The following ADGRL3 variants were observed in gnomAD, a reference collection of about 807,000 sequenced individuals.
ADGRL3 encodes the protein adhesion G protein-coupled receptor L3, also known as calcium-independent alpha-latrotoxin receptor 3.
A neutral mutation model predicts 153.5 loss-of-function variants in ADGRL3; 62 were observed. That is an observed-to-expected ratio of 0.40 (90% CI 0.33 to 0.50). The LOEUF (loss-of-function observed/expected upper bound fraction) is 0.50. Ranked by LOEUF, ADGRL3 falls within the 20% of genes least tolerant of loss-of-function variation. The pLI is 0.47. For missense variants in ADGRL3, 1,641 were observed against 1,859.4 expected (o/e 0.88, Z 2.16); for synonymous variants, 710 against 672.5 (o/e 1.06, Z -0.86).
Position 61,223,667 on chromosome 4 carries a change from C to CT in ADGRL3, c.-240+21903dup, listed in dbSNP as rs1746652852. On this transcript the variant is annotated intron_variant, in intron 1 of 26. Coordinates refer to ENST00000683033, the MANE Select transcript of ADGRL3 (RefSeq NM_001387552.1). ...TTTCTCTAATGTTGAGGGTGTGTGTCTGAGTGTTTGTGACTCAGTGATTGT... is the reference window on the plus strand; with the variant it reads ...TTTCTCTAATGTTGAGGGTGTGTGTCTTGAGTGTTTGTGACTCAGTGATTGT... Among the ~76,000 whole-genome samples the CT allele has an allele frequency of 2.0e-5, 3 of 152,170 alleles. No individual in the cohort carries two copies. In the South Asian group the frequency reaches 6.2e-4, roughly 32 times the overall value.
chr4:61,436,396 A>T (rs1412324373), intron 2 of ADGRL3, among the ~76,000 whole-genome samples: 1 of 152,182 alleles, frequency 6.6e-6, no homozygotes, highest in Admixed American at 6.6e-5. Flanking sequence ...TCAGCTGAAA[A>T]CATGCATATG....
At chr4:61,469,542 G>T (rs1460270178) in intron 2 of ADGRL3, among the ~76,000 whole-genome samples, 1 of 151,978 alleles carries the variant, frequency 6.6e-6, no homozygotes. Flanking sequence ...TGTGTTTCCA[G>T]TAGGGGCCTG....
At position 61,898,622 on chromosome 4, in the gene ADGRL3, CT is replaced by C. The variant is rs1346233783; in HGVS notation, c.1887+2802del. 6.6e-3 allele frequency among the ~76,000 whole-genome samples: 932 copies of C among 142,122 alleles called. 7 individuals are homozygous for C. The highest frequency in any genetic ancestry group is 0.017 in the African/African-American group (650 of 39,002). 93.2% of individuals were successfully genotyped at this position (142,122 alleles called of 152,430 possible). A position where few individuals can be genotyped will look rare whatever the true frequency, so the allele number is the denominator to read the frequency against. ...GGAAGGCTAGAAATCTCACCCTAAT[CT>C]TTTTTTTTTTTTTGAGATGAAGTCT... On this transcript the variant is annotated intron_variant, in intron 11 of 26. Transcript: ENST00000683033.
intron 2 of ADGRL3, among the ~76,000 whole-genome samples, chr4:61,474,351 G>A (rs762929718): frequency 1.3e-5 from 2 of 152,042 alleles, no homozygotes; most frequent in Non-Finnish European, 1.5e-5. Flanking sequence ...GTTTTCTGCC[G>A]GAGGGTTTGT....
chr4:62,011,934 C>T (rs1269832296), intron 21 of ADGRL3, among the ~76,000 whole-genome samples: 2 of 151,934 alleles, frequency 1.3e-5, no homozygotes, highest in South Asian at 2.1e-4. Context: ...GCTAGGAATA[C>T]ATTTTTTTTT....
intron 19 of ADGRL3, among the ~76,000 whole-genome samples, chr4:61,988,082 GT>G (rs1351741653): frequency 3.9e-5 from 6 of 152,076 alleles, no homozygotes; most frequent in Admixed American, 3.3e-4. Flanking sequence ...GGATTTTGAT[GT>G]TTTTCTATGA....
chr4:62,071,580 A>C lies in ADGRL3; in HGVS notation c.*672A>C, dbSNP rs972889119. ...TTCTATGTAATGTACAGATACTAGC[A>C]TTGCACATATAGTCTGCTTTCTGTT... On this transcript the variant is annotated 3_prime_UTR_variant, in exon 27 of 27. Coordinates refer to ENST00000683033, the MANE Select transcript of ADGRL3 (RefSeq NM_001387552.1). The C allele has an allele frequency of 1.7e-5, 5 of 295,112 alleles. No homozygotes were observed. The highest frequency in any genetic ancestry group is 9.0e-5 in the African/African-American group (4 of 44,342). The allele number at this position is 295,112 out of a possible 1,614,324, so 18.3% of individuals were successfully genotyped here.
intron 3 of ADGRL3, 74 bp from the exon 4 acceptor site, chr4:61,517,241 G>T: frequency 1.5e-6 from 1 of 679,332 alleles, no homozygotes; most frequent in South Asian, 1.6e-5. Context: ...CTTGGGAATA[G>T]CCTCTACCAG....
intron 5 of ADGRL3, among the ~76,000 whole-genome samples, chr4:61,636,013 G>A (rs1201463907): frequency 6.6e-6 from 1 of 152,082 alleles, no homozygotes; most frequent in African/African-American, 2.4e-5. Context: ...TCTACAAACA[G>A]AGACATGTTC....
chr4:61,853,956 T>C (rs1368982786), intron 9 of ADGRL3, among the ~76,000 whole-genome samples: 1 of 152,216 alleles, frequency 6.6e-6, no homozygotes, highest in Non-Finnish European at 1.5e-5. Context: ...CAAGCATATC[T>C]ATCTTTTCTG....
chr4:61,680,185 G>A (rs2095303470), intron 6 of ADGRL3, among the ~76,000 whole-genome samples: 1 of 151,930 alleles, frequency 6.6e-6, no homozygotes, highest in Admixed American at 6.6e-5. Context: ...TCATTAATGT[G>A]AGGGAAATTT....
At chr4:61,674,522 A>G (rs1218446070) in intron 5 of ADGRL3, among the ~76,000 whole-genome samples, 1 of 151,824 alleles carries the variant, frequency 6.6e-6, no homozygotes, top group Non-Finnish European at 1.5e-5. Context: ...AGATAGGAAG[A>G]AAAGGAGATA....
intron 8 of ADGRL3, among the ~76,000 whole-genome samples, chr4:61,801,299 A>G (rs773167955): frequency 5.3e-5 from 8 of 152,086 alleles, no homozygotes; most frequent in Admixed American, 1.3e-4. Flanking sequence ...TATTAATACA[A>G]TTTCTAGGAA....
chr4:61,527,587 A>G (rs2098575920), intron 4 of ADGRL3, among the ~76,000 whole-genome samples: 1 of 152,202 alleles, frequency 6.6e-6, no homozygotes, highest in African/African-American at 2.4e-5. Flanking sequence ...TCTACTTTAG[A>G]TTAACTGTGA....
At chr4:61,432,572 TC>T (rs33910811) in intron 2 of ADGRL3, among the ~76,000 whole-genome samples, 3,682 of 11,362 alleles carry the variant, frequency 0.32, 680 homozygotes, top group Middle Eastern at 0.56. Flanking sequence ...TTCTTTCTCT[TC>T]CTTTCTTTCT....
chr4:61,895,651 CT>C, intron 10 of ADGRL3, 79 bp from the exon 11 acceptor site: 1 of 697,560 alleles, frequency 1.4e-6, no homozygotes. Flanking sequence ...TCATTTTTAC[CT>C]TTGCTTATTT....
At chr4:61,504,661 A>T (rs1426136658) in intron 3 of ADGRL3, among the ~76,000 whole-genome samples, 1 of 151,954 alleles carries the variant, frequency 6.6e-6, no homozygotes, top group Non-Finnish European at 1.5e-5. Context: ...TCTCCTCTCC[A>T]CTAATCTTCC....
chr4:61,459,901 T>C (rs2097790780), intron 2 of ADGRL3, among the ~76,000 whole-genome samples: 1 of 152,160 alleles, frequency 6.6e-6, no homozygotes, highest in Non-Finnish European at 1.5e-5. Flanking sequence ...CTTTGCCTAT[T>C]CAGATCTGTT....
At chr4:61,432,990 A>T (rs1049919870) in intron 2 of ADGRL3, among the ~76,000 whole-genome samples, 2 of 152,048 alleles carry the variant, frequency 1.3e-5, no homozygotes, top group African/African-American at 4.8e-5. Context: ...AAAACTGGCA[A>T]TTCTAGATCA....
Sources: allele counts gnomAD v4.1 joint callset (sites outside exome capture counted in the v4.1 genomes callset), GRCh38; gene constraint gnomAD v4.1.1; transcripts MANE v1.5; gene names NCBI Gene and HGNC (gene_info 2026-07-23, HGNC 2026-07-21).